RAB31: variants seen among roughly 807,000 people sequenced by gnomAD.
The protein encoded by RAB31 is RAB31, member RAS oncogene family, also known as ras-related protein Rab-31.
Under a neutral mutation model 25.6 loss-of-function variants are expected in RAB31, and 21 were observed. The ratio of observed to expected loss-of-function variants is 0.82; its 90% CI spans 0.58 to 1.18. RAB31 has a LOEUF of 1.18. Among genes scored for constraint, RAB31 ranks in the 50% most tolerant of loss-of-function variants. The pLI is 0.00. For synonymous variants in RAB31, 87 were observed against 84.0 expected, an observed-to-expected ratio of 1.04 and a Z score of -0.20; for missense variants, 196 against 250.1, an observed-to-expected ratio of 0.78 and a Z score of 1.46.
intron 3 of RAB31, among the ~76,000 whole-genome samples, chr18:9,792,721 T>C (rs765472630): frequency 1.3e-5 from 2 of 152,152 alleles, no homozygotes; most frequent in African/African-American, 2.4e-5. Flanking sequence ...CTCCTGAACT[T>C]CAGGTGGTAC....
chr18:9,846,556 T>G (rs523687), intron 6 of RAB31, among the ~76,000 whole-genome samples: 99,934 of 152,032 alleles, frequency 0.66, 32,964 homozygotes, highest in South Asian at 0.77. Flanking sequence ...AATAGCCACC[T>G]TAGGAGGAGT....
intron 1 of RAB31, among the ~76,000 whole-genome samples, chr18:9,759,291 C>T (rs559936852): frequency 1.3e-3 from 203 of 152,236 alleles, no homozygotes; most frequent in Non-Finnish European, 2.3e-3. Flanking sequence ...CTGTCTCAGC[C>T]TCCCATGTAC....
chr18:9,822,435 C>G (rs2068628647), intron 5 of RAB31, among the ~76,000 whole-genome samples: 1 of 152,016 alleles, frequency 6.6e-6, no homozygotes, highest in African/African-American at 2.4e-5. Flanking sequence ...AAGCACGATT[C>G]ATATAAGGAA....
chr18:9,709,815 C>T (rs1599005961), intron 1 of RAB31, among the ~76,000 whole-genome samples: 1 of 152,148 alleles, frequency 6.6e-6, no homozygotes, highest in Non-Finnish European at 1.5e-5. Context: ...AGTGGGTTTT[C>T]CTGTTCCCCA....
At chr18:9,717,223 A>G (rs2068049345) in intron 1 of RAB31, among the ~76,000 whole-genome samples, 1 of 152,140 alleles carries the variant, frequency 6.6e-6, no homozygotes, top group Non-Finnish European at 1.5e-5. Context: ...ACATCAGGTC[A>G]CCAAATGGGT....
chr18:9,750,487 G>T (rs1350386320), intron 1 of RAB31, among the ~76,000 whole-genome samples: 1 of 152,162 alleles, frequency 6.6e-6, no homozygotes, highest in Non-Finnish European at 1.5e-5. Context: ...TTAAATATAT[G>T]AATCCTTTTC....
intron 1 of RAB31, among the ~76,000 whole-genome samples, chr18:9,767,890 C>T (rs1202401782): frequency 6.6e-6 from 1 of 151,964 alleles, no homozygotes; most frequent in African/African-American, 2.4e-5. Context: ...CCCTGACAGG[C>T]CCCAGTGTGT....
At chr18:9,820,664 T>C (rs1015747806) in intron 5 of RAB31, among the ~76,000 whole-genome samples, 3 of 152,120 alleles carry the variant, frequency 2.0e-5, no homozygotes, top group African/African-American at 4.8e-5. Context: ...TAGTTCATAG[T>C]ATTATCTCAT....
At chr18:9,796,019 A>G (rs1412266785) in intron 3 of RAB31, among the ~76,000 whole-genome samples, 1 of 152,228 alleles carries the variant, frequency 6.6e-6, no homozygotes, top group African/African-American at 2.4e-5. Flanking sequence ...AAAATGTGGT[A>G]TATATATACA....
intron 1 of RAB31, among the ~76,000 whole-genome samples, chr18:9,709,388 A>AC (rs999041622): frequency 2.8e-4 from 42 of 152,078 alleles, no homozygotes; most frequent in African/African-American, 8.0e-4. Flanking sequence ...CATCTGGTGT[A>AC]CCCGCCCGTG....
chr18:9,734,626 C>T (rs1265167649), intron 1 of RAB31, among the ~76,000 whole-genome samples: 2 of 152,008 alleles, frequency 1.3e-5, no homozygotes, highest in Non-Finnish European at 1.5e-5. Context: ...ATCCCGGATA[C>T]GATGAACAAA....
rs925275550 is a variant in RAB31 at position 9,856,841 on chromosome 18, C to T, written c.491-2387C>T. ...TAACTCGACACTGTCACCCCTTTCTCTTCAGGAGTAAGTAACTCTTTATTG... is the reference window on the plus strand; with the variant it reads ...TAACTCGACACTGTCACCCCTTTCTTTTCAGGAGTAAGTAACTCTTTATTG... On this transcript the variant is annotated intron_variant, in intron 6 of 6. Coordinates refer to ENST00000578921, the MANE Select transcript of RAB31 (RefSeq NM_006868.4). Among the ~76,000 whole-genome samples, 9 of 152,306 alleles carry T rather than the reference C, an allele frequency of 5.9e-5. No homozygotes were observed. In the South Asian group the frequency reaches 6.2e-4, roughly 11 times the overall value.
intron 2 of RAB31, among the ~76,000 whole-genome samples, chr18:9,791,388 CTTTTTTTTT>C (rs35523044): frequency 9.1e-4 from 54 of 59,640 alleles, no homozygotes; most frequent in Non-Finnish European, 1.4e-3. Flanking sequence ...GAAACACAGT[CTTTTTTTTT>C]TTTTTTTTTT....
intron 1 of RAB31, among the ~76,000 whole-genome samples, chr18:9,715,991 A>C (rs2068042455): frequency 6.6e-6 from 1 of 152,172 alleles, no homozygotes; most frequent in Admixed American, 6.5e-5. Flanking sequence ...CCATCCCCTA[A>C]ATTGAACATG....
rs1033088819 is a variant in RAB31, at chr18:9,730,119, C to T, written c.39+21675C>T. Among the ~76,000 whole-genome samples, 7 of 152,144 alleles carry T rather than the reference C, an allele frequency of 4.6e-5. No homozygotes were observed. The South Asian group carries it at 1.2e-3, about 27-fold the overall frequency. ...GAAATCCAGCTCCTCTCTATAGCAT[C>T]GCTGTGGGTGTAGCTAAAATATGAG... On this transcript the variant is annotated intron_variant, in intron 1 of 6. Transcript: ENST00000578921.
intron 1 of RAB31, among the ~76,000 whole-genome samples, chr18:9,712,212 T>C (rs1462881764): frequency 6.6e-6 from 1 of 152,264 alleles, no homozygotes; most frequent in East Asian, 1.9e-4. Context: ...CTTTGTGTTC[T>C]TGGAAAACCA....
intron 1 of RAB31, among the ~76,000 whole-genome samples, chr18:9,723,101 G>C (rs988959540): frequency 1.3e-5 from 2 of 152,180 alleles, no homozygotes; most frequent in African/African-American, 4.8e-5. Flanking sequence ...AGGCTGGAGT[G>C]CAGTGGTGTG....
At chr18:9,774,826 A>C (rs2068363646) in intron 1 of RAB31, 6 of 514,402 alleles carry the variant, frequency 1.2e-5, no homozygotes, top group South Asian at 8.6e-5. Flanking sequence ...AGAAACATAG[A>C]AACTAGAATT....
At chr18:9,753,641 C>T (rs2068246300) in intron 1 of RAB31, among the ~76,000 whole-genome samples, 1 of 152,106 alleles carries the variant, frequency 6.6e-6, no homozygotes, top group African/African-American at 2.4e-5. Flanking sequence ...TCTCCTGGTC[C>T]AGTGTGGATT....
Sources: gnomAD v4.1 joint callset for allele counts (sites outside exome capture counted in the v4.1 genomes callset) on GRCh38, gnomAD v4.1.1 for gene constraint, MANE v1.5 for transcripts, NCBI Gene and HGNC (gene_info 2026-07-23, HGNC 2026-07-21) for gene names.